POU2F1: variants seen among roughly 807,000 people sequenced by gnomAD.
The protein encoded by POU2F1 is POU class 2 homeobox 1, also known as POU domain, class 2, transcription factor 1.
A neutral mutation model predicts 84.9 loss-of-function variants in POU2F1; 16 were observed. The observed-to-expected ratio is 0.19, with a 90% CI of 0.13 to 0.29. POU2F1 has a LOEUF of 0.29. Ranked by LOEUF, POU2F1 falls within the 10% of genes least tolerant of loss-of-function variation. The pLI is 1.00. For missense variants in POU2F1, 738 were observed against 942.6 expected, an observed-to-expected ratio of 0.78 and a Z score of 2.84; for synonymous variants, 368 against 368.3, an observed-to-expected ratio of 1.00 and a Z score of 0.01.
At chr1:167,388,565 A>C (rs1402342003) in intron 8 of POU2F1, among the ~76,000 whole-genome samples, 1 of 152,232 alleles carries the variant, frequency 6.6e-6, no homozygotes, top group Non-Finnish European at 1.5e-5. Context: ...AATTATGAGA[A>C]TATTGCCTTA....
chr1:167,256,384 T>C (rs992851971), intron 1 of POU2F1, among the ~76,000 whole-genome samples: 1 of 150,182 alleles, frequency 6.7e-6, no homozygotes, highest in African/African-American at 2.4e-5. Context: ...TTTTTTTTGC[T>C]GAGTTTGTGT....
intron 13 of POU2F1, among the ~76,000 whole-genome samples, chr1:167,409,907 A>C (rs1338636315): frequency 1.3e-5 from 2 of 152,230 alleles, no homozygotes; most frequent in Non-Finnish European, 2.9e-5. Flanking sequence ...AGTACATTGA[A>C]ATTGCTTAGC....
At position 167,358,122 on chromosome 1, in the gene POU2F1, CTTTTTTTT is replaced by C. The variant is rs763521021; in HGVS notation, c.128-7329_128-7322del. Among the ~76,000 whole-genome samples, 8 of 97,192 alleles carry C rather than the reference CTTTTTTTT, an allele frequency of 8.2e-5. No individual in the cohort carries two copies. In the East Asian group the frequency reaches 1.1e-3, roughly 14 times the overall value. The allele number at this position is 97,192 out of a possible 152,430, so 63.8% of individuals were successfully genotyped here. On this transcript the variant is annotated intron_variant, in intron 2 of 15. Coordinates refer to ENST00000367866, the MANE Select transcript of POU2F1 (RefSeq NM_002697.4). ...TGGCCTAATTGATCTTTTTTCTTTT[CTTTTTTTT>C]TTTTTTTTTTTTTTTGAGACGGTGT...
intron 15 of POU2F1, 39 bp downstream of exon 15, chr1:167,413,153 G>A (rs762044491): frequency 2.5e-5 from 35 of 1,386,516 alleles, no homozygotes; most frequent in East Asian, 4.9e-5. Context: ...TGGCATGCAC[G>A]TGTGTGTGAG....
chr1:167,373,142 TTA>T, intron 5 of POU2F1, among the ~76,000 whole-genome samples: 1 of 152,294 alleles, frequency 6.6e-6, no homozygotes, highest in East Asian at 1.9e-4. Flanking sequence ...GTTTTGAGCC[TTA>T]TGTTTCTAAT....
Position 167,418,770 on chromosome 1 carries a change from T to C in POU2F1, c.*2960T>C, listed in dbSNP as rs1429094102. ...AGCTTTAAATGTCAATACAGTGGTCTTTTATTCCCTGCCCTGTCTATATTT... is the reference window on the plus strand; with the variant it reads ...AGCTTTAAATGTCAATACAGTGGTCCTTTATTCCCTGCCCTGTCTATATTT... On this transcript the variant is annotated 3_prime_UTR_variant, in exon 16 of 16. Transcript: ENST00000367866. The C allele has an allele frequency of 6.6e-6, 1 of 152,192 alleles. No individual in the cohort carries two copies. The highest frequency in any genetic ancestry group is 1.5e-5 in the Non-Finnish European group (1 of 68,034). 9.4% of individuals were successfully genotyped at this position (152,192 alleles called of 1,614,324 possible).
In POU2F1 at chr1:167,239,807, A is replaced by G. The variant is rs190333763; in HGVS notation, c.61+18849A>G. ...TCCATTTGAAAAACACAAAAAATGT[A>G]TGTCGTCAGGGTTATACTTTACACC... On this transcript the variant is annotated intron_variant, in intron 1 of 15. Transcript: ENST00000367866. 4.4e-3 allele frequency among the ~76,000 whole-genome samples: 674 copies of G among 152,326 alleles called. 12 individuals carry two copies. The highest frequency in any genetic ancestry group is 0.016 in the African/African-American group (656 of 41,580).
At chr1:167,247,038 ATGTGTGTGTGTGTG>A (rs10592064) in intron 1 of POU2F1, among the ~76,000 whole-genome samples, 2 of 74,944 alleles carry the variant, frequency 2.7e-5, no homozygotes, top group African/African-American at 3.8e-5. Flanking sequence ...TTATATATAT[ATGTGTGTGTGTGTG>A]TGTGTGTGTG....
chr1:167,371,310 C>T (rs1659986211), intron 4 of POU2F1, among the ~76,000 whole-genome samples: 1 of 152,144 alleles, frequency 6.6e-6, no homozygotes, highest in African/African-American at 2.4e-5. Context: ...CTGCAGTCCC[C>T]AAAACAGGTG....
chr1:167,349,629 G>A (rs1458383003), intron 2 of POU2F1, among the ~76,000 whole-genome samples: 1 of 152,102 alleles, frequency 6.6e-6, no homozygotes, highest in Non-Finnish European at 1.5e-5. Flanking sequence ...AACTACTTAA[G>A]AGCAGTGACT....
At chr1:167,375,555 T>A (rs1401358187) in intron 6 of POU2F1, among the ~76,000 whole-genome samples, 1 of 152,184 alleles carries the variant, frequency 6.6e-6, no homozygotes, top group Non-Finnish European at 1.5e-5. Context: ...GGCAAAAAAA[T>A]TGAATACTGA....
chr1:167,403,816 C>G (rs1263044079), intron 13 of POU2F1, among the ~76,000 whole-genome samples: 1 of 152,124 alleles, frequency 6.6e-6, no homozygotes, highest in East Asian at 1.9e-4. Flanking sequence ...GTCTGGAGCA[C>G]GTTCTCAAGT....
At chr1:167,341,038 G>GA (rs1173968173) in intron 2 of POU2F1, among the ~76,000 whole-genome samples, 3 of 152,108 alleles carry the variant, frequency 2.0e-5, no homozygotes, top group African/African-American at 7.2e-5. Flanking sequence ...TCAGCATGAA[G>GA]AAACAGTCAA....
At chr1:167,409,643 T>C (rs1034897794) in intron 13 of POU2F1, among the ~76,000 whole-genome samples, 5 of 152,234 alleles carry the variant, frequency 3.3e-5, no homozygotes, top group Admixed American at 6.5e-5. Flanking sequence ...GTCATCATCT[T>C]CTGGCCTAGG....
At chr1:167,329,299 T>C in intron 1 of POU2F1, 1 of 1,549,126 alleles carries the variant, frequency 6.5e-7, no homozygotes, top group Non-Finnish European at 8.7e-7. Context: ...GCAGTGACTA[T>C]GTTCTAGGTG....
intron 1 of POU2F1, among the ~76,000 whole-genome samples, chr1:167,272,169 T>A (rs1652412114): frequency 6.6e-6 from 1 of 152,156 alleles, no homozygotes; most frequent in Admixed American, 6.6e-5. Flanking sequence ...AGTATACAGT[T>A]TTTTGTAAGA....
At chr1:167,385,378 G>A (rs943639706) in intron 8 of POU2F1, among the ~76,000 whole-genome samples, 1 of 151,970 alleles carries the variant, frequency 6.6e-6, no homozygotes, top group Non-Finnish European at 1.5e-5. Context: ...ATAACCAAAC[G>A]ATTTTGAGAA....
At chr1:167,324,774 C>T (rs1656579114) in intron 1 of POU2F1, among the ~76,000 whole-genome samples, 1 of 152,182 alleles carries the variant, frequency 6.6e-6, no homozygotes, top group African/African-American at 2.4e-5. Flanking sequence ...TGTTATTTGG[C>T]AGTGCTTAAT....
At chr1:167,331,456 T>G (rs1657081483) in intron 1 of POU2F1, among the ~76,000 whole-genome samples, 1 of 152,088 alleles carries the variant, frequency 6.6e-6, no homozygotes, top group Non-Finnish European at 1.5e-5. Context: ...TCTCTGTTAA[T>G]AACTAAAGTT....
Sources: allele counts gnomAD v4.1 joint callset (sites outside exome capture counted in the v4.1 genomes callset), GRCh38; gene constraint gnomAD v4.1.1; transcripts MANE v1.5; gene names NCBI Gene and HGNC (gene_info 2026-07-23, HGNC 2026-07-21).